P3H2: variants seen among roughly 807,000 people sequenced by gnomAD.
P3H2 encodes prolyl 3-hydroxylase 2.
In P3H2, 80 loss-of-function variants were observed where a neutral mutation model predicts 87.0. The ratio of observed to expected loss-of-function variants is 0.92; its 90% CI spans 0.77 to 1.11. The LOEUF (loss-of-function observed/expected upper bound fraction) is 1.11. Among genes scored for constraint, P3H2 ranks in the 50% least tolerant of loss-of-function variants. The pLI is 0.00. For missense variants in P3H2, 1,001 were observed against 923.9 expected, an observed-to-expected ratio of 1.08 and a Z score of -1.08; for synonymous variants, 367 against 359.3, an observed-to-expected ratio of 1.02 and a Z score of -0.24.
At chr3:189,983,186 G>C (rs549249630) in intron 7 of P3H2, 46 bp from the exon 8 acceptor site, 1 of 1,390,656 alleles carries the variant, frequency 7.2e-7, no homozygotes, top group Admixed American at 1.7e-5. Context: ...ATTGAATAAC[G>C]ATGTTCAAAG....
chr3:189,976,155 T>C (rs1278394941), intron 8 of P3H2, among the ~76,000 whole-genome samples: 1 of 152,200 alleles, frequency 6.6e-6, no homozygotes, highest in Non-Finnish European at 1.5e-5. Context: ...CAGGATTCCT[T>C]ATAGTACTGT....
intron 1 of P3H2, among the ~76,000 whole-genome samples, chr3:190,032,713 G>A (rs1725292538): frequency 6.6e-6 from 1 of 152,160 alleles, no homozygotes; most frequent in South Asian, 2.1e-4. Flanking sequence ...CCCTATGACA[G>A]AGTCACTGAG....
chr3:190,024,143 C>T (rs1357297711), intron 1 of P3H2, among the ~76,000 whole-genome samples: 1 of 152,014 alleles, frequency 6.6e-6, no homozygotes, highest in Non-Finnish European at 1.5e-5. Flanking sequence ...AATAATTGTT[C>T]CTGAATTTTA....
At chr3:190,079,508 T>C (rs550037203) in intron 1 of P3H2, among the ~76,000 whole-genome samples, 6 of 152,260 alleles carry the variant, frequency 3.9e-5, no homozygotes, top group African/African-American at 1.4e-4. Flanking sequence ...TAGTAGTAGG[T>C]TATGATTTGG....
At chr3:190,006,381 T>C (rs1016293) in intron 1 of P3H2, among the ~76,000 whole-genome samples, 1,932 of 152,296 alleles carry the variant, frequency 0.013, 47 homozygotes, top group African/African-American at 0.045. Flanking sequence ...CATTCACAAA[T>C]AGACACTTGG....
At chr3:189,995,762 T>C (rs188456453) in intron 1 of P3H2, among the ~76,000 whole-genome samples, 36 of 152,020 alleles carry the variant, frequency 2.4e-4, no homozygotes, top group African/African-American at 7.5e-4. Flanking sequence ...GAAAAAACTC[T>C]ATAGCAAGAA....
At chr3:189,977,422 T>G (rs1345438824) in intron 8 of P3H2, among the ~76,000 whole-genome samples, 1 of 152,172 alleles carries the variant, frequency 6.6e-6, no homozygotes, top group African/African-American at 2.4e-5. Context: ...AACAACTTTT[T>G]GGGAACTGAA....
intron 3 of P3H2, among the ~76,000 whole-genome samples, chr3:189,991,601 C>T (rs1171055498): frequency 6.6e-6 from 1 of 152,154 alleles, no homozygotes; most frequent in African/African-American, 2.4e-5. Flanking sequence ...CTAAACAGGA[C>T]AAGGCTTTAG....
chr3:190,077,832 T>C (rs1206289894), intron 1 of P3H2, among the ~76,000 whole-genome samples: 2 of 152,202 alleles, frequency 1.3e-5, no homozygotes, highest in African/African-American at 4.8e-5. Context: ...AAAGCTCTTA[T>C]CAAGATATGA....
Position 189,976,536 on chromosome 3 carries a change from T to C in P3H2, c.1325-1851A>G, listed in dbSNP as rs1281180347. Among the ~76,000 whole-genome samples, 3 of 152,124 alleles carry C rather than the reference T, an allele frequency of 2.0e-5. No individual in the cohort carries two copies. In the South Asian group the frequency reaches 6.2e-4, roughly 31 times the overall value. On this transcript the variant is annotated intron_variant, in intron 8 of 14. Coordinates refer to ENST00000319332, the MANE Select transcript of P3H2 (RefSeq NM_018192.4). ...TCCACCTGGCCCTGCCCTTGACATA[T>C]GGGGATTATTACAATTCAAGGTGAG...
chr3:189,993,148 C>A (rs1469655867), intron 3 of P3H2, among the ~76,000 whole-genome samples: 1 of 151,908 alleles, frequency 6.6e-6, no homozygotes. Context: ...CATGGAGAAA[C>A]CCCGTCTCCA....
chr3:190,031,578 G>A (rs887049335), intron 1 of P3H2, among the ~76,000 whole-genome samples: 8 of 151,738 alleles, frequency 5.3e-5, no homozygotes, highest in African/African-American at 1.7e-4. Flanking sequence ...TAGAGGCTGC[G>A]GTGAGCCAAG....
intron 1 of P3H2, among the ~76,000 whole-genome samples, chr3:190,098,340 GT>G (rs1343647371): frequency 6.6e-6 from 1 of 152,098 alleles, no homozygotes; most frequent in Non-Finnish European, 1.5e-5. Context: ...ATTGTGTACA[GT>G]TTAGGTTCCA....
intron 1 of P3H2, among the ~76,000 whole-genome samples, chr3:190,059,115 T>C (rs945129733): frequency 3.3e-5 from 5 of 152,140 alleles, no homozygotes; most frequent in Non-Finnish European, 7.4e-5. Context: ...CAGTCCCTGC[T>C]TCATGGCAGT....
chr3:190,102,376 T>C (rs1014747812), intron 1 of P3H2, among the ~76,000 whole-genome samples: 6 of 152,214 alleles, frequency 3.9e-5, no homozygotes, highest in Non-Finnish European at 8.8e-5. Flanking sequence ...GCATTCGTGA[T>C]TCATAAGGAG....
intron 1 of P3H2, among the ~76,000 whole-genome samples, chr3:190,001,195 T>C (rs1724206447): frequency 6.6e-6 from 1 of 152,206 alleles, no homozygotes; most frequent in South Asian, 2.1e-4. Flanking sequence ...TTAGGATATG[T>C]AGCTCAAATA....
chr3:190,083,025 G>T (rs1033451451), intron 1 of P3H2, among the ~76,000 whole-genome samples: 2 of 152,126 alleles, frequency 1.3e-5, no homozygotes, highest in African/African-American at 4.8e-5. Context: ...ATAATGCAGA[G>T]GATCATGCAG....
intron 1 of P3H2, among the ~76,000 whole-genome samples, chr3:190,104,583 T>C (rs1384015609): frequency 1.3e-5 from 2 of 152,238 alleles, no homozygotes; most frequent in Non-Finnish European, 2.9e-5. Flanking sequence ...GGACAGTACA[T>C]ACAGGAAGCA....
chr3:190,046,001 T>C (rs1312711899), intron 1 of P3H2, among the ~76,000 whole-genome samples: 5 of 151,870 alleles, frequency 3.3e-5, no homozygotes, highest in African/African-American at 9.7e-5. Flanking sequence ...CGGGCGCCTG[T>C]GGTCCCAGCT....
Sources: gnomAD v4.1 joint callset for allele counts (sites outside exome capture counted in the v4.1 genomes callset) on GRCh38, gnomAD v4.1.1 for gene constraint, MANE v1.5 for transcripts, NCBI Gene and HGNC (gene_info 2026-07-23, HGNC 2026-07-21) for gene names.